Variants in MTUS2 observed in about 807,000 individuals in gnomAD.
MTUS2 encodes the protein microtubule associated scaffold protein 2, also known as microtubule-associated tumor suppressor candidate 2.
In MTUS2, 40 loss-of-function variants were observed where a neutral mutation model predicts 114.1. The observed-to-expected ratio is 0.35, with a 90% CI of 0.27 to 0.46. The LOEUF is 0.46. Ranked by LOEUF, MTUS2 falls within the 20% of genes least tolerant of loss-of-function variation. The pLI is 1.00. For synonymous variants in MTUS2, 688 were observed against 672.0 expected, an observed-to-expected ratio of 1.02 and a Z score of -0.37; for missense variants, 1,679 against 1,705.4, an observed-to-expected ratio of 0.98 and a Z score of 0.27.
At chr13:29,046,080 A>G (rs1243429111) in intron 4 of MTUS2, among the ~76,000 whole-genome samples, 1 of 150,544 alleles carries the variant, frequency 6.6e-6, no homozygotes, top group Non-Finnish European at 1.5e-5. Context: ...CCACTATTCT[A>G]CTACAAAGGC....
At chr13:29,332,259 G>A (rs1593312578) in intron 7 of MTUS2, among the ~76,000 whole-genome samples, 1 of 152,226 alleles carries the variant, frequency 6.6e-6, no homozygotes, top group Admixed American at 6.5e-5. Context: ...TCTATTCAGG[G>A]ATTCGACTTC....
In MTUS2 at chr13:29,346,727, T is replaced by G. The variant is rs147960864; in HGVS notation, c.2906-12535T>G. ...AAATCGTTTCAAAGTTCAGCTGGAA[T>G]TTTCCTTCTCCCTGTGGTCTTTCCC... On this transcript the variant is annotated intron_variant, in intron 7 of 15. Transcript: ENST00000612955. 8.8e-4 allele frequency among the ~76,000 whole-genome samples: 128 copies of G among 144,794 alleles called. 9 individuals carry two copies. The highest frequency in any genetic ancestry group is 3.4e-3 in the African/African-American group (119 of 34,932). The allele number at this position is 144,794 out of a possible 152,430, so 95.0% of individuals were successfully genotyped here.
rs1453912830 is a variant in MTUS2 at position 29,028,322 on chromosome 13, G to T, written c.2205+1419G>T. Among the ~76,000 whole-genome samples the T allele has an allele frequency of 2.6e-5, 4 of 150,950 alleles. No individual in the cohort carries two copies. The South Asian group carries it at 8.3e-4, about 31-fold the overall frequency. ...GCTGAGACCACGCCACTGCACTTCA[G>T]CCTGGCAACAGAGCGCGACTCAGTC... is the stretch of plus-strand genomic sequence containing the variant. On this transcript the variant is annotated intron_variant, in intron 3 of 15. Coordinates refer to ENST00000612955, the MANE Select transcript of MTUS2 (RefSeq NM_001033602.4).
intron 9 of MTUS2, among the ~76,000 whole-genome samples, chr13:29,455,739 T>C (rs1466638171): frequency 2.0e-5 from 3 of 152,144 alleles, no homozygotes; most frequent in African/African-American, 7.2e-5. Context: ...CCAGCACTTT[T>C]GGGGGCCAAG....
At chr13:29,127,097 A>G (rs772279350) in intron 5 of MTUS2, among the ~76,000 whole-genome samples, 31 of 152,060 alleles carry the variant, frequency 2.0e-4, no homozygotes, top group Admixed American at 4.6e-4. Context: ...GGCCCCAGCC[A>G]TTGAGCTGCT....
chr13:29,393,208 T>A (rs1566177147), intron 8 of MTUS2, among the ~76,000 whole-genome samples: 1 of 152,222 alleles, frequency 6.6e-6, no homozygotes. Flanking sequence ...TAGTTTCTAC[T>A]GATTCTTAGG....
rs1274668666 is a variant in MTUS2 at position 29,411,424 on chromosome 13, A to C, written c.3118-28559A>C. On this transcript the variant is annotated intron_variant, in intron 8 of 15. Coordinates refer to ENST00000612955, the MANE Select transcript of MTUS2 (RefSeq NM_001033602.4). ...TCTGAGCTTTCTGTTCTATTCCACC[A>C]GTCTATGGTATACACATAAGCCAGT... Among the ~76,000 whole-genome samples, 3 of 152,302 alleles carry C rather than the reference A, an allele frequency of 2.0e-5. No individual in the cohort carries two copies. The East Asian group carries it at 5.8e-4, about 29-fold the overall frequency.
chr13:29,030,790 TC>T (rs1886780359), intron 3 of MTUS2, among the ~76,000 whole-genome samples: 1 of 152,200 alleles, frequency 6.6e-6, no homozygotes, highest in Admixed American at 6.5e-5. Context: ...TTCAGACTCT[TC>T]CATCCTTATC....
chr13:29,020,392 T>G (rs949181533), intron 2 of MTUS2, among the ~76,000 whole-genome samples: 1 of 152,172 alleles, frequency 6.6e-6, no homozygotes, highest in Non-Finnish European at 1.5e-5. Flanking sequence ...TTATATATTC[T>G]GTGAAAACGT....
intron 2 of MTUS2, among the ~76,000 whole-genome samples, chr13:29,014,258 C>T (rs1028944386): frequency 3.9e-5 from 6 of 152,186 alleles, no homozygotes; most frequent in African/African-American, 1.4e-4. Context: ...CACACAGTTG[C>T]TCAAGACTGT....
chr13:29,140,966 T>TA (rs1386497156), intron 5 of MTUS2, among the ~76,000 whole-genome samples: 1 of 152,060 alleles, frequency 6.6e-6, no homozygotes, highest in Non-Finnish European at 1.5e-5. Flanking sequence ...TTAGGAGGGG[T>TA]AAAGAAATAG....
chr13:29,448,759 T>TTTC (rs1204950836), intron 9 of MTUS2, among the ~76,000 whole-genome samples: 1 of 148,736 alleles, frequency 6.7e-6, no homozygotes, highest in Non-Finnish European at 1.5e-5. Context: ...TGCTCTTTTT[T>TTTC]TTTTTTTTTT....
intron 1 of MTUS2, among the ~76,000 whole-genome samples, chr13:28,837,103 C>G (rs1031805834): frequency 4.6e-5 from 7 of 152,144 alleles, no homozygotes; most frequent in African/African-American, 1.4e-4. Context: ...GAGACCGCTT[C>G]TCTGGTAGTG....
chr13:28,851,150 T>C (rs1419698191), intron 2 of MTUS2, among the ~76,000 whole-genome samples: 1 of 152,238 alleles, frequency 6.6e-6, no homozygotes, highest in African/African-American at 2.4e-5. Flanking sequence ...TCTTGTTTCT[T>C]AGCAGTAAAG....
chr13:28,939,681 G>A (rs545708997), intron 2 of MTUS2, among the ~76,000 whole-genome samples: 2 of 151,920 alleles, frequency 1.3e-5, no homozygotes, highest in African/African-American at 4.8e-5. Flanking sequence ...GGAGATGGTG[G>A]ACTGGTTTCT....
At chr13:29,286,672 G>GTCTATCTATCTGTCTATCTATCTA (rs1898500075) in intron 6 of MTUS2, among the ~76,000 whole-genome samples, 2 of 110,922 alleles carry the variant, frequency 1.8e-5, no homozygotes, top group Admixed American at 1.8e-4. Flanking sequence ...CTGTCTGTCT[G>GTCTATCTATCTGTCTATCTATCTA]TCTATCTATC....
chr13:29,167,376 GA>G (rs932435176), intron 5 of MTUS2, among the ~76,000 whole-genome samples: 22 of 141,226 alleles, frequency 1.6e-4, no homozygotes, highest in South Asian at 6.8e-4. Context: ...CTCTATCTCA[GA>G]AAAAAAAAAG....
At chr13:28,999,504 G>C (rs1885285502) in intron 2 of MTUS2, among the ~76,000 whole-genome samples, 2 of 152,122 alleles carry the variant, frequency 1.3e-5, no homozygotes, top group Non-Finnish European at 2.9e-5. Flanking sequence ...ACTTGTAATT[G>C]ACAAATAATA....
chr13:28,821,366 A>G (rs185749673), intron 1 of MTUS2, among the ~76,000 whole-genome samples: 87 of 152,312 alleles, frequency 5.7e-4, no homozygotes, highest in Non-Finnish European at 8.8e-4. Flanking sequence ...ATTGGTGAGA[A>G]TTCTTTGACT....
Sources: gnomAD v4.1 joint callset for allele counts (sites outside exome capture counted in the v4.1 genomes callset) on GRCh38, gnomAD v4.1.1 for gene constraint, MANE v1.5 for transcripts, NCBI Gene and HGNC (gene_info 2026-07-23, HGNC 2026-07-21) for gene names.